Variants in CXCR5 observed in about 807,000 individuals in gnomAD.
The protein encoded by CXCR5 is C-X-C motif chemokine receptor 5.
Under a neutral mutation model 5.6 loss-of-function variants are expected in CXCR5, and 3 were observed. That is an observed-to-expected ratio of 0.54 (90% CI 0.24 to 1.39). The LOEUF (loss-of-function observed/expected upper bound fraction) is 1.39, where lower values mean the gene tolerates loss of function less well. CXCR5 is among the 40% of genes most tolerant of loss of function. The probability of loss-of-function intolerance (pLI) is 0.16; values close to 1 mark genes in which losing one functional copy is unlikely to be tolerated. For missense variants in CXCR5, 333 were observed against 494.6 expected (o/e 0.67, Z 3.10); for synonymous variants, 218 against 219.9 (o/e 0.99, Z 0.08).
intron 1 of CXCR5, among the ~76,000 whole-genome samples, chr11:118,888,505 C>G (rs990959738): frequency 6.6e-6 from 1 of 152,168 alleles, no homozygotes; most frequent in Non-Finnish European, 1.5e-5. Context: ...TCATCCTTGT[C>G]CAGACCAACC....
In CXCR5 at chr11:118,897,769, T is replaced by C. The variant is rs754622536; in HGVS notation, c.*3106T>C. 2 of 449,574 alleles carry C rather than the reference T, an allele frequency of 4.4e-6. No individual in the cohort carries two copies. The highest frequency in any genetic ancestry group is 4.9e-5 in the Admixed American group (2 of 40,930). 27.8% of individuals were successfully genotyped at this position (449,574 alleles called of 1,614,324 possible). ...GGTTTCTTTTATCCTTTTTTTTTTG[T>C]GTGACTTCTATCAAAACACAGAAAT... is the stretch of plus-strand genomic sequence containing the variant. On this transcript the variant is annotated 3_prime_UTR_variant, in exon 2 of 2. Coordinates refer to ENST00000292174, the MANE Select transcript of CXCR5 (RefSeq NM_001716.5).
At chr11:118,892,941 G>C (rs571023386) in intron 1 of CXCR5, among the ~76,000 whole-genome samples, 2 of 152,322 alleles carry the variant, frequency 1.3e-5, no homozygotes, top group African/African-American at 4.8e-5. Flanking sequence ...TCAGTGGGAG[G>C]TACTGGCTTT....
rs562795268 is a variant in CXCR5 at position 118,892,538 on chromosome 11, G to A, written c.52-1058G>A. On this transcript the variant is annotated intron_variant, in intron 1 of 1. Coordinates refer to ENST00000292174, the MANE Select transcript of CXCR5 (RefSeq NM_001716.5). ...GCCTGGGGAGGGGCTTGGGTAGGGA[G>A]GGTGGGAAGAACAGAGCTGGGAGGT... is the stretch of plus-strand genomic sequence containing the variant. Among the ~76,000 whole-genome samples the A allele has an allele frequency of 2.6e-5, 4 of 152,136 alleles. No homozygotes were observed. The South Asian group carries it at 6.2e-4, about 24-fold the overall frequency.
rs45513292 is a variant in CXCR5, at chr11:118,894,573, C to T, written c.1029C>T (p.Thr343=). 7.2e-3 allele frequency: 11,156 copies of T among 1,542,390 alleles called. 47 individuals are homozygous for T. The highest frequency in any genetic ancestry group is 8.8e-3 in the Non-Finnish European group (10,041 of 1,143,340). Reference sequence around the variant, plus strand: ...GGCTCCTGACGAAGCTGGGCTGTACCGGCCCTGCCTCCCTGTGCCAGCTCT... The same window carrying T: ...GGCTCCTGACGAAGCTGGGCTGTACTGGCCCTGCCTCCCTGTGCCAGCTCT... ...LSRLLTKLGC[T]GPASLCQLFP... Residue 343 remains threonine, a synonymous_variant, in exon 2 of 2, where the codon ACC becomes ACT. Transcript: ENST00000292174. The surrounding 1 kb of genome is among the most constrained non-coding windows in gnomAD (Gnocchi z 6.1).
At chr11:118,889,171 CA>C (rs1237488482) in intron 1 of CXCR5, among the ~76,000 whole-genome samples, 1 of 152,220 alleles carries the variant, frequency 6.6e-6, no homozygotes, top group Non-Finnish European at 1.5e-5. Flanking sequence ...GTGCTCACAG[CA>C]ATTTTCTAAC....
At chr11:118,887,906 C>T (rs1277398234) in intron 1 of CXCR5, among the ~76,000 whole-genome samples, 5 of 152,242 alleles carry the variant, frequency 3.3e-5, no homozygotes, top group Non-Finnish European at 7.3e-5. Flanking sequence ...GCCAGCATGA[C>T]TCAGGCCTTG....
Position 118,894,343 on chromosome 11 carries a change from A to C in CXCR5, c.799A>C (p.Ile267Leu). The C allele has an allele frequency of 6.2e-7, 1 of 1,614,168 alleles. No individual in the cohort carries two copies. The change falls in exon 2 of 2, where the codon ATC becomes CTC. Residue 267 changes from isoleucine (I) to leucine (L), a missense_variant. Ile to Leu is a conservative substitution (Grantham distance 5). Transcript: ENST00000292174. This position sits in a 1 kb window ranked among gnomAD's most constrained non-coding sequence, Gnocchi z 6.1. ...AVRVAILVTS[I>L]FFLCWSPYHI... is the part of the protein sequence containing the mutation. ...CAGGGTGGCCATCCTGGTGACAAGC[A>C]TCTTCTTCCTCTGCTGGTCACCCTA...
chr11:118,894,433 A>G lies in CXCR5; in HGVS notation c.889A>G (p.Asn297Asp). The G allele has an allele frequency of 6.2e-7, 1 of 1,614,140 alleles. No individual in the cohort carries two copies. Among genetic ancestry groups the G allele is most frequent in the Non-Finnish European group, 8.5e-7 (1 of 1,180,026 alleles). ...GGCCGTGGACAATACCTGCAAGCTG[A>G]ATGGCTCTCTCCCCGTGGCCATCAC... ...LKAVDNTCKL[N>D]GSLPVAITMC... Residue 297 changes from asparagine (N) to aspartate (D), a missense_variant, in exon 2 of 2, where the codon AAT (asparagine) becomes GAT (aspartate). By Grantham distance (23) the Asn-to-Asp change is conservative. Transcript: ENST00000292174. The surrounding 1 kb of genome is among the most constrained non-coding windows in gnomAD (Gnocchi z 6.1).
intron 1 of CXCR5, among the ~76,000 whole-genome samples, chr11:118,885,193 G>T (rs936595463): frequency 1.3e-5 from 2 of 152,142 alleles, no homozygotes; most frequent in African/African-American, 4.8e-5. Context: ...GGAGAAAGTG[G>T]GCAGAAGGGC....
Position 118,883,953 on chromosome 11 carries a change from G to A in CXCR5, c.12G>A (p.Pro4=), listed in dbSNP as rs552138226. The part of the protein sequence containing the change: MNY[P]LTLEMDLENL... The stretch of plus-strand genomic sequence containing the variant: ...CAGCCGGCACAGCCATGAACTACCC[G>A]CTAACGCTGGAAATGGACCTCGAGA... Residue 4 remains proline (P), a synonymous_variant, in exon 1 of 2, where the codon CCG becomes CCA. Coordinates refer to ENST00000292174, the MANE Select transcript of CXCR5 (RefSeq NM_001716.5). 17 of 1,612,434 alleles carry A rather than the reference G, an allele frequency of 1.1e-5. No homozygotes were observed. The highest frequency in any genetic ancestry group is 2.7e-5 in the African/African-American group (2 of 74,968).
At chr11:118,887,375 T>C in intron 1 of CXCR5, 1 of 985,440 alleles carries the variant, frequency 1.0e-6, no homozygotes. Context: ...TGCCTGCATC[T>C]TGGACTGTGT....
chr11:118,886,347 G>GAAAAA (rs5795149), intron 1 of CXCR5: 3 of 405,714 alleles, frequency 7.4e-6, no homozygotes, highest in Non-Finnish European at 4.8e-6. Flanking sequence ...AAACTTGCCA[G>GAAAAA]AAAAAAAAAA....
intron 1 of CXCR5, among the ~76,000 whole-genome samples, chr11:118,892,561 G>C (rs1243029494): frequency 6.6e-6 from 1 of 152,112 alleles, no homozygotes; most frequent in Non-Finnish European, 1.5e-5. Flanking sequence ...AGAGCTGGGA[G>C]GTGAGGAGGA....
chr11:118,894,008 T>C lies in CXCR5; in HGVS notation c.464T>C (p.Val155Ala). 1 of 1,613,710 alleles carries C rather than the reference T, an allele frequency of 6.2e-7. No individual in the cohort carries two copies. Among genetic ancestry groups the C allele is most frequent in the Non-Finnish European group, 8.5e-7 (1 of 1,180,008 alleles). ...CGCTACCTGGCCATTGTCCACGCCG[T>C]CCATGCCTACCGCCACCGCCGCCTC... ...VDRYLAIVHA[V>A]HAYRHRRLLS... The change falls in exon 2 of 2, where the codon GTC becomes GCC. Residue 155 changes from valine to alanine, a missense_variant. Val to Ala is a moderately conservative substitution (Grantham distance 64). Coordinates refer to ENST00000292174, the MANE Select transcript of CXCR5 (RefSeq NM_001716.5). The surrounding 1 kb of genome is among the most constrained non-coding windows in gnomAD (Gnocchi z 6.1).
intron 1 of CXCR5, among the ~76,000 whole-genome samples, chr11:118,892,183 C>T (rs1399385075): frequency 6.6e-6 from 1 of 152,150 alleles, no homozygotes; most frequent in Non-Finnish European, 1.5e-5. Flanking sequence ...TACCCTTGCA[C>T]TGATGTATCT....
chr11:118,891,338 C>T (rs1939806970), intron 1 of CXCR5, among the ~76,000 whole-genome samples: 1 of 151,840 alleles, frequency 6.6e-6, no homozygotes, highest in Non-Finnish European at 1.5e-5. Flanking sequence ...TGGCTTACTC[C>T]AATCATTTTC....
In CXCR5 at chr11:118,895,894, A is replaced by G. The variant is rs1033159833; in HGVS notation, c.*1231A>G. The G allele has an allele frequency of 6.0e-6, 1 of 166,942 alleles. No individual in the cohort carries two copies. The highest frequency in any genetic ancestry group is 6.5e-5 in the Admixed American group (1 of 15,282). The allele number at this position is 166,942 out of a possible 1,614,324, so 10.3% of individuals were successfully genotyped here. On this transcript the variant is annotated 3_prime_UTR_variant, in exon 2 of 2. Coordinates refer to ENST00000292174, the MANE Select transcript of CXCR5 (RefSeq NM_001716.5). This position sits in a 1 kb window ranked among gnomAD's most constrained non-coding sequence, Gnocchi z 4.2. ...CGTCCGGCAGTTCTGGGTGCTCCCTACCACCTCCCCAGCCTTTGATCAGGT... is the reference window on the plus strand; with the variant it reads ...CGTCCGGCAGTTCTGGGTGCTCCCTGCCACCTCCCCAGCCTTTGATCAGGT...
Position 118,894,885 on chromosome 11 carries a change from C to A in CXCR5, c.*222C>A, listed in dbSNP as rs113911923. 4.3e-6 allele frequency: 2 copies of A among 470,098 alleles called. No homozygotes were observed. The highest frequency in any genetic ancestry group is 3.9e-5 in the African/African-American group (2 of 50,768). The allele number at this position is 470,098 out of a possible 1,614,324, so 29.1% of individuals were successfully genotyped here. ...AGGCTGGAGCCCAGGGAGCGGAAAG[C>A]AGCTCAAAGGCACAGTGAAGGCTGT... On this transcript the variant is annotated 3_prime_UTR_variant, in exon 2 of 2. Transcript: ENST00000292174. The surrounding 1 kb of genome is among the most constrained non-coding windows in gnomAD (Gnocchi z 6.1).
rs116198549 is a variant in CXCR5, at chr11:118,884,264, T to C, written c.51+272T>C. Among the ~76,000 whole-genome samples the C allele has an allele frequency of 4.9e-3, 753 of 152,332 alleles. 2 individuals are homozygous for C. Among genetic ancestry groups the C allele is most frequent in the African/African-American group, 0.017 (717 of 41,570 alleles). ...CCCTGCATCCTCCTCTGAGTTGCTA[T>C]GTGACTGGGAACAGGATACTTCACC... On this transcript the variant is annotated intron_variant, in intron 1 of 1. Transcript: ENST00000292174.
Sources: gnomAD v4.1 joint callset for allele counts (sites outside exome capture counted in the v4.1 genomes callset) on GRCh38, gnomAD v4.1.1 for gene constraint, Gnocchi (gnomAD v3.1) non-coding constraint, MANE v1.5 for transcripts, NCBI Gene and HGNC (gene_info 2026-07-23, HGNC 2026-07-21) for gene names.